Variants in VIPR2 observed in about 807,000 individuals in gnomAD.
VIPR2 encodes vasoactive intestinal polypeptide receptor 2.
Under a neutral mutation model 58.0 loss-of-function variants are expected in VIPR2, and 48 were observed. That is an observed-to-expected ratio of 0.83 (90% CI 0.66 to 1.05). VIPR2 has a LOEUF of 1.05. Among genes scored for constraint, VIPR2 ranks in the 50% least tolerant of loss-of-function variants. VIPR2 has a pLI of 0.00. For synonymous variants in VIPR2, 243 were observed against 235.2 expected, an observed-to-expected ratio of 1.03 and a Z score of -0.30; for missense variants, 534 against 558.0, an observed-to-expected ratio of 0.96 and a Z score of 0.43.
At chr7:159,130,883 G>A (rs1158283174) in intron 2 of VIPR2, among the ~76,000 whole-genome samples, 2 of 152,208 alleles carry the variant, frequency 1.3e-5, no homozygotes, top group Non-Finnish European at 2.9e-5. Context: ...TGGGAGGAAG[G>A]TTGCCTTGAA....
At chr7:159,037,937 G>C (rs539805275) in intron 6 of VIPR2, among the ~76,000 whole-genome samples, 1 of 152,290 alleles carries the variant, frequency 6.6e-6, no homozygotes, top group South Asian at 2.1e-4. Context: ...ATATCAGATG[G>C]ATACACCTAT....
Position 159,103,784 on chromosome 7 carries a change from G to GCCAC in VIPR2, c.326_329dup (p.Tyr111TrpfsTer8). ...TGCTCTCATCCTCCGGGTCGCTGTAGCCACAGGCATCGACGAAATCTGGGA... is the reference window on the plus strand; with the variant it reads ...TGCTCTCATCCTCCGGGTCGCTGTAGCCACCCACAGGCATCGACGAAATCTGGGA... On this transcript the variant is annotated frameshift_variant, in exon 4 of 13. Coordinates refer to ENST00000262178, the MANE Select transcript of VIPR2 (RefSeq NM_003382.5). LOFTEE classifies it high-confidence loss of function. 1.9e-6 allele frequency: 3 copies of GCCAC among 1,614,118 alleles called. No homozygotes were observed. The highest frequency in any genetic ancestry group is 2.5e-6 in the Non-Finnish European group (3 of 1,180,018).
intron 4 of VIPR2, among the ~76,000 whole-genome samples, chr7:159,068,688 G>T (rs1442661206): frequency 1.3e-5 from 2 of 152,234 alleles, no homozygotes; most frequent in Non-Finnish European, 2.9e-5. Context: ...CTTCTGGACG[G>T]CGGGTGCAAC....
intron 6 of VIPR2, among the ~76,000 whole-genome samples, chr7:159,042,042 G>A (rs896806447): frequency 2.0e-5 from 3 of 152,136 alleles, no homozygotes; most frequent in African/African-American, 7.2e-5. Flanking sequence ...GGCATCACGC[G>A]CCAGCTTATC....
intron 5 of VIPR2, among the ~76,000 whole-genome samples, chr7:159,056,239 GC>G (rs915489371): frequency 7.0e-6 from 1 of 143,372 alleles, no homozygotes; most frequent in Non-Finnish European, 1.5e-5. Flanking sequence ...CCCCAATCTT[GC>G]CCCCCTTACC....
chr7:159,133,309 T>C (rs2129497733), intron 2 of VIPR2, among the ~76,000 whole-genome samples: 1 of 152,418 alleles, frequency 6.6e-6, no homozygotes, highest in African/African-American at 2.4e-5. Context: ...ACGGTCCCAA[T>C]AAAGCTGACC....
intron 5 of VIPR2, 118 bp downstream of exon 5, chr7:159,058,363 T>G: frequency 1.3e-6 from 1 of 756,678 alleles, no homozygotes; most frequent in South Asian, 1.5e-5. Context: ...GCATTCTCCA[T>G]GGGAGTCTTA....
chr7:159,114,179 C>A (rs982769942), intron 2 of VIPR2, among the ~76,000 whole-genome samples: 2 of 152,002 alleles, frequency 1.3e-5, no homozygotes, highest in African/African-American at 4.8e-5. Context: ...ATAAGTGATT[C>A]AAATTTGGCA....
chr7:159,104,766 C>T (rs1313894923), intron 3 of VIPR2, among the ~76,000 whole-genome samples: 2 of 151,724 alleles, frequency 1.3e-5, no homozygotes, highest in African/African-American at 2.4e-5. Flanking sequence ...CCTCTCTCCT[C>T]CCAGCCAGCA....
rs77554753 is a variant in VIPR2 at position 159,096,225 on chromosome 7, C to T, written c.357+7532G>A. 0.018 allele frequency among the ~76,000 whole-genome samples: 2,684 copies of T among 152,344 alleles called. 39 individuals are homozygous for T. Among genetic ancestry groups the T allele is most frequent in the Admixed American group, 0.035 (542 of 15,300 alleles). On this transcript the variant is annotated intron_variant, in intron 4 of 12. Coordinates refer to ENST00000262178, the MANE Select transcript of VIPR2 (RefSeq NM_003382.5). This position sits in a 1 kb window ranked among gnomAD's most constrained non-coding sequence, Gnocchi z 5.5. ...GACAGGCCTCCTATCCATCGAGGCC[C>T]GGAGAGTTTCAACCCCTGCCTGGGG...
intron 2 of VIPR2, among the ~76,000 whole-genome samples, chr7:159,114,799 A>AAGAG (rs1183193104): frequency 8.5e-6 from 1 of 117,322 alleles, no homozygotes. Context: ...GGAAAGAAAG[A>AAGAG]ATAGAAAGAG....
chr7:159,128,160 G>A lies in VIPR2; in HGVS notation c.151+14286C>T, dbSNP rs1179593985. Among the ~76,000 whole-genome samples, 1 of 152,114 alleles carries A rather than the reference G, an allele frequency of 6.6e-6. No homozygotes were observed. The highest frequency in any genetic ancestry group is 1.5e-5 in the Non-Finnish European group (1 of 68,000). ...CCTGAGGGATGTGACGGGGGTGGGGGGACACCACCCCAGCTTAGTCAGGGC... is the reference window on the plus strand; with the variant it reads ...CCTGAGGGATGTGACGGGGGTGGGGAGACACCACCCCAGCTTAGTCAGGGC... On this transcript the variant is annotated intron_variant, in intron 2 of 12. Coordinates refer to ENST00000262178, the MANE Select transcript of VIPR2 (RefSeq NM_003382.5). This position sits in a 1 kb window ranked among gnomAD's most constrained non-coding sequence, Gnocchi z 4.1.
chr7:159,043,935 G>A (rs969178373), intron 5 of VIPR2, among the ~76,000 whole-genome samples: 1 of 152,192 alleles, frequency 6.6e-6, no homozygotes, highest in African/African-American at 2.4e-5. Flanking sequence ...TGGAGAATAA[G>A]GGCTTCAAGA....
chr7:159,141,941 CCT>C (rs1797486285), intron 2 of VIPR2, among the ~76,000 whole-genome samples: 1 of 152,164 alleles, frequency 6.6e-6, no homozygotes, highest in South Asian at 2.1e-4. Context: ...GCCCAGCATG[CCT>C]CTGTCAAACC....
chr7:159,031,917 C>T lies in VIPR2; in HGVS notation c.1101+21G>A, dbSNP rs200138862. ...GGCAGGACCCGCGCTCGGGGGAGGGCGGCCGCCTCCGCACACCTACCTGGA... is the reference window on the plus strand; with the variant it reads ...GGCAGGACCCGCGCTCGGGGGAGGGTGGCCGCCTCCGCACACCTACCTGGA... On this transcript the variant is annotated intron_variant, in intron 11 of 12. Coordinates refer to ENST00000262178, the MANE Select transcript of VIPR2 (RefSeq NM_003382.5). The surrounding 1 kb of genome is among the most constrained non-coding windows in gnomAD (Gnocchi z 4.0). 1,476 of 1,614,092 alleles carry T rather than the reference C, an allele frequency of 9.1e-4. 5 individuals carry two copies. The highest frequency in any genetic ancestry group is 1.0e-3 in the Non-Finnish European group (1,180 of 1,180,020).
chr7:159,144,405 C>A, intron 1 of VIPR2: 1 of 1,545,614 alleles, frequency 6.5e-7, no homozygotes, highest in Admixed American at 2.0e-5. Flanking sequence ...GCTCCCGGGA[C>A]GGCCCCGAAC....
At chr7:159,104,451 GGCC>G (rs1858507833) in intron 3 of VIPR2, among the ~76,000 whole-genome samples, 1 of 145,130 alleles carries the variant, frequency 6.9e-6, no homozygotes. Context: ...CCCTCCTCCT[GGCC>G]AGCACCCTTG....
At chr7:159,061,254 G>A (rs927489153) in intron 4 of VIPR2, among the ~76,000 whole-genome samples, 4 of 151,984 alleles carry the variant, frequency 2.6e-5, no homozygotes, top group Admixed American at 6.5e-5. Context: ...TCTGTAGCTG[G>A]GTGGCGGGAT....
chr7:159,041,343 C>T (rs1854316917), intron 6 of VIPR2, among the ~76,000 whole-genome samples: 1 of 152,228 alleles, frequency 6.6e-6, no homozygotes, highest in Admixed American at 6.5e-5. Context: ...TCCAGGCCAG[C>T]ACCCAGTCCC....
Sources: allele counts gnomAD v4.1 joint callset (sites outside exome capture counted in the v4.1 genomes callset), GRCh38; gene constraint gnomAD v4.1.1; non-coding constraint Gnocchi (gnomAD v3.1); transcripts MANE v1.5; gene names NCBI Gene and HGNC (gene_info 2026-07-23, HGNC 2026-07-21).